Variants in NTM observed in about 807,000 individuals in gnomAD.
NTM encodes the protein IgLON family member 2.
A neutral mutation model predicts 42.1 loss-of-function variants in NTM; 13 were observed. The ratio of observed to expected loss-of-function variants is 0.31; its 90% CI spans 0.20 to 0.49. The LOEUF is 0.49. Ranked by LOEUF, NTM falls within the 20% of genes least tolerant of loss-of-function variation. The pLI, the probability that NTM is intolerant of heterozygous loss-of-function variation, is 0.99. For missense variants in NTM, 373 were observed against 452.8 expected (o/e 0.82, Z 1.60); for synonymous variants, 187 against 179.2 (o/e 1.04, Z -0.35).
At chr11:132,319,251 G>C (rs1042327833) in intron 7 of NTM, among the ~76,000 whole-genome samples, 9 of 152,174 alleles carry the variant, frequency 5.9e-5, no homozygotes, top group African/African-American at 2.2e-4. Flanking sequence ...CATCTCACTG[G>C]GGAGTGCCAG....
intron 1 of NTM, among the ~76,000 whole-genome samples, chr11:131,874,355 T>G (rs2048283892): frequency 6.6e-6 from 1 of 152,036 alleles, no homozygotes; most frequent in African/African-American, 2.4e-5. Flanking sequence ...GAAGAGGAAT[T>G]GTGTTCATCA....
chr11:132,217,888 C>T (rs1418695912), intron 4 of NTM, among the ~76,000 whole-genome samples: 2 of 152,076 alleles, frequency 1.3e-5, no homozygotes, highest in East Asian at 1.9e-4. Flanking sequence ...CTCACCCCAC[C>T]ATACATCCAC....
In NTM at chr11:132,086,611, A is replaced by G. The variant is rs532889403; in HGVS notation, c.168-59671A>G. 2.0e-5 allele frequency among the ~76,000 whole-genome samples: 3 copies of G among 152,342 alleles called. No homozygotes were observed. In the East Asian group the frequency reaches 5.8e-4, roughly 29 times the overall value. ...TCACAGGTGAAACCAACAAGCCTCA[A>G]TTAAGACGCTAAAAGCACACCAGAT... On this transcript the variant is annotated intron_variant, in intron 2 of 8. Transcript: ENST00000683400.
intron 1 of NTM, among the ~76,000 whole-genome samples, chr11:131,817,985 T>G (rs1045949175): frequency 6.6e-6 from 1 of 152,052 alleles, no homozygotes; most frequent in Non-Finnish European, 1.5e-5. Flanking sequence ...CCAAACAGAT[T>G]TTTCACCAGC....
Position 131,850,254 on chromosome 11 carries a change from G to T in NTM, c.83-61310G>T, listed in dbSNP as rs536714916. The stretch of plus-strand genomic sequence containing the variant: ...TGCCACACAATTAATAACAAACGAG[G>T]ATATTCACTTAGGGCATTCATTAGG... On this transcript the variant is annotated intron_variant, in intron 1 of 8. Coordinates refer to ENST00000683400, the MANE Select transcript of NTM (RefSeq NM_001352005.2). 1.4e-4 allele frequency among the ~76,000 whole-genome samples: 21 copies of T among 152,206 alleles called. 1 individual carries two copies. Among genetic ancestry groups the T allele is most frequent in the African/African-American group, 5.1e-4 (21 of 41,554 alleles).
chr11:132,082,534 T>C (rs1244274332), intron 2 of NTM, among the ~76,000 whole-genome samples: 2 of 152,226 alleles, frequency 1.3e-5, no homozygotes, highest in Non-Finnish European at 2.9e-5. Flanking sequence ...TTTTCCATCA[T>C]GGGCATGATT....
intron 1 of NTM, among the ~76,000 whole-genome samples, chr11:131,676,457 G>C (rs558355469): frequency 1.3e-5 from 2 of 152,128 alleles, no homozygotes; most frequent in East Asian, 3.9e-4. Flanking sequence ...GTGTGTGTCT[G>C]TGCCTGTGTA....
At chr11:132,066,461 C>T (rs1232060354) in intron 2 of NTM, among the ~76,000 whole-genome samples, 1 of 152,164 alleles carries the variant, frequency 6.6e-6, no homozygotes, top group East Asian at 1.9e-4. Flanking sequence ...GTGTTAGTTT[C>T]CCATGCTTGC....
chr11:132,070,077 C>T (rs373915509), intron 2 of NTM, among the ~76,000 whole-genome samples: 5 of 143,902 alleles, frequency 3.5e-5, no homozygotes, highest in Non-Finnish European at 6.0e-5. Flanking sequence ...CAAGTTAACA[C>T]GTCACACAGC....
chr11:131,790,152 T>C (rs1591871483), intron 1 of NTM, among the ~76,000 whole-genome samples: 1 of 152,090 alleles, frequency 6.6e-6, no homozygotes, highest in Non-Finnish European at 1.5e-5. Flanking sequence ...AGAAGTTTAA[T>C]ATGCAAATAA....
intron 1 of NTM, among the ~76,000 whole-genome samples, chr11:131,608,338 T>C (rs1044674497): frequency 2.6e-5 from 4 of 152,236 alleles, no homozygotes; most frequent in African/African-American, 9.6e-5. Context: ...GTGCATGAGA[T>C]GACTTGATAG....
chr11:131,632,744 C>A (rs1233622420), intron 1 of NTM, among the ~76,000 whole-genome samples: 1 of 139,166 alleles, frequency 7.2e-6, no homozygotes, highest in Non-Finnish European at 1.5e-5. Flanking sequence ...GCGCGATCTC[C>A]ACTCACTGCA....
At chr11:132,223,981 T>C (rs986534717) in intron 4 of NTM, among the ~76,000 whole-genome samples, 4 of 152,160 alleles carry the variant, frequency 2.6e-5, no homozygotes, top group Non-Finnish European at 4.4e-5. Flanking sequence ...GTGAGCCAAG[T>C]GTCAAAGCCC....
intron 1 of NTM, among the ~76,000 whole-genome samples, chr11:131,560,600 T>A (rs563861304): frequency 5.9e-5 from 9 of 152,310 alleles, no homozygotes; most frequent in East Asian, 1.9e-4. Context: ...CCCTTCCTCC[T>A]TTCTTCCAGT....
chr11:131,743,887 C>G (rs1406181500), intron 1 of NTM, among the ~76,000 whole-genome samples: 1 of 152,160 alleles, frequency 6.6e-6, no homozygotes, highest in Non-Finnish European at 1.5e-5. Context: ...TTAGTCTATT[C>G]ATTCTGGAAC....
intron 1 of NTM, among the ~76,000 whole-genome samples, chr11:131,515,600 C>T (rs1011852301): frequency 6.6e-6 from 1 of 152,176 alleles, no homozygotes; most frequent in South Asian, 2.1e-4. Flanking sequence ...TTGTAAAGAT[C>T]GTTTTCTGCT....
At position 131,877,124 on chromosome 11, in the gene NTM, G is replaced by T. The variant is rs368646612; in HGVS notation, c.83-34440G>T. On this transcript the variant is annotated intron_variant, in intron 1 of 8. Transcript: ENST00000683400. ...TCCACCCACCTCGGCCTCCCAAAGTGCTGGGATTGCAGGCGTGAGGCACTG... is the reference window on the plus strand; with the variant it reads ...TCCACCCACCTCGGCCTCCCAAAGTTCTGGGATTGCAGGCGTGAGGCACTG... Among the ~76,000 whole-genome samples, 223 of 152,354 alleles carry T rather than the reference G, an allele frequency of 1.5e-3. 1 individual carries two copies. Among genetic ancestry groups the T allele is most frequent in the African/African-American group, 4.6e-3 (191 of 41,590 alleles).
chr11:131,585,553 G>C (rs1001106548), intron 1 of NTM, among the ~76,000 whole-genome samples: 1 of 152,234 alleles, frequency 6.6e-6, no homozygotes, highest in Non-Finnish European at 1.5e-5. Flanking sequence ...AGCAAGCACA[G>C]TTGTGAGTGC....
At chr11:131,517,728 T>G (rs1318487568) in intron 1 of NTM, among the ~76,000 whole-genome samples, 1 of 152,182 alleles carries the variant, frequency 6.6e-6, no homozygotes, top group African/African-American at 2.4e-5. Context: ...TTTACAAGAT[T>G]CCTGTACCTG....
Sources: gnomAD v4.1 joint callset for allele counts (sites outside exome capture counted in the v4.1 genomes callset) on GRCh38, gnomAD v4.1.1 for gene constraint, MANE v1.5 for transcripts, NCBI Gene and HGNC (gene_info 2026-07-23, HGNC 2026-07-21) for gene names.